Variants in ERICH6 observed in about 807,000 individuals in gnomAD.
ERICH6 encodes glutamate-rich protein 6.
Under a neutral mutation model 71.0 loss-of-function variants are expected in ERICH6, and 71 were observed. That is an observed-to-expected ratio of 1.00 (90% CI 0.83 to 1.22). The LOEUF (loss-of-function observed/expected upper bound fraction) is 1.22. Among genes scored for constraint, ERICH6 ranks in the 50% most tolerant of loss-of-function variants. The pLI, the probability that ERICH6 is intolerant of heterozygous loss-of-function variation, is 0.00. For missense variants in ERICH6, 808 were observed against 797.2 expected, an observed-to-expected ratio of 1.01 and a Z score of -0.16; for synonymous variants, 262 against 278.4, an observed-to-expected ratio of 0.94 and a Z score of 0.59.
intron 13 of ERICH6, among the ~76,000 whole-genome samples, chr3:150,664,556 A>C (rs923434289): frequency 6.6e-6 from 1 of 152,014 alleles, no homozygotes; most frequent in African/African-American, 2.4e-5. Flanking sequence ...CTGAGGCATG[A>C]GAATCGCTTG....
At chr3:150,683,047 G>A (rs918093952) in intron 6 of ERICH6, among the ~76,000 whole-genome samples, 1 of 152,188 alleles carries the variant, frequency 6.6e-6, no homozygotes, top group African/African-American at 2.4e-5. Context: ...CCTCCAGGAA[G>A]AGACCCAGAT....
chr3:150,679,498 A>G (rs1389787141), intron 9 of ERICH6, among the ~76,000 whole-genome samples: 3 of 152,250 alleles, frequency 2.0e-5, no homozygotes, highest in Middle Eastern at 6.8e-3. Context: ...TTATGCCCAG[A>G]AAGATTAAGT....
intron 11 of ERICH6, among the ~76,000 whole-genome samples, chr3:150,672,264 C>CATATATATATATATATATAT (rs57492414): frequency 0.018 from 2,206 of 123,500 alleles, 146 homozygotes; most frequent in African/African-American, 0.066. Context: ...TTTATATATA[C>CATATATATATATATATATAT]ATATATATAT....
At chr3:150,696,761 A>C (rs1303282101) in intron 3 of ERICH6, among the ~76,000 whole-genome samples, 7 of 152,186 alleles carry the variant, frequency 4.6e-5, no homozygotes, top group Non-Finnish European at 8.8e-5. Flanking sequence ...GACTGTCAAA[A>C]ATTTAAAAGA....
chr3:150,678,315 G>T, intron 10 of ERICH6, 94 bp downstream of exon 10: 1 of 1,201,158 alleles, frequency 8.3e-7, no homozygotes, highest in Non-Finnish European at 1.1e-6. Flanking sequence ...CTAGTTAAAT[G>T]CATCATGTAG....
chr3:150,690,405 G>GAA (rs34766940), intron 3 of ERICH6, among the ~76,000 whole-genome samples: 1 of 145,250 alleles, frequency 6.9e-6, no homozygotes, highest in African/African-American at 2.5e-5. Context: ...CTAAGATAGG[G>GAA]AAAAAAAAAA....
At chr3:150,664,587 C>T (rs1326158204) in intron 13 of ERICH6, among the ~76,000 whole-genome samples, 2 of 150,942 alleles carry the variant, frequency 1.3e-5, no homozygotes, top group Non-Finnish European at 2.9e-5. Flanking sequence ...GTGGAGGTTG[C>T]AGTGAGCCAA....
chr3:150,661,968 A>G (rs1392364394), intron 13 of ERICH6, among the ~76,000 whole-genome samples: 4 of 152,208 alleles, frequency 2.6e-5, no homozygotes, highest in African/African-American at 7.2e-5. Context: ...CCGAGAACAT[A>G]TAACTCAAAA....
intron 6 of ERICH6, 60 bp downstream of exon 6, chr3:150,685,682 A>T (rs1230873518): frequency 8.7e-6 from 12 of 1,382,152 alleles, no homozygotes; most frequent in Non-Finnish European, 1.2e-5. Flanking sequence ...TGTGCAAATC[A>T]TTATGTTTTC....
chr3:150,684,023 G>GAGACATCCCTAGA (rs1712079571), intron 6 of ERICH6, among the ~76,000 whole-genome samples: 1 of 152,172 alleles, frequency 6.6e-6, no homozygotes, highest in Non-Finnish European at 1.5e-5. Flanking sequence ...CGGGAGGCGA[G>GAGACATCCCTAGA]TATAACCTCA....
chr3:150,684,021 G>A (rs148813467), intron 6 of ERICH6, among the ~76,000 whole-genome samples: 8 of 152,288 alleles, frequency 5.3e-5, no homozygotes, highest in African/African-American at 9.6e-5. Flanking sequence ...TGCGGGAGGC[G>A]AGTATAACCT....
chr3:150,698,282 ATAGGTGTTTGGCAAATGT>A (rs1712726797), intron 3 of ERICH6, among the ~76,000 whole-genome samples: 2 of 152,114 alleles, frequency 1.3e-5, no homozygotes, highest in Admixed American at 1.3e-4. Context: ...TAGACCTATG[ATAGGTGTTTGGCAAATGT>A]TAGGTGCTTG....
intron 13 of ERICH6, among the ~76,000 whole-genome samples, chr3:150,663,719 G>T (rs1727304675): frequency 6.6e-6 from 1 of 152,060 alleles, no homozygotes; most frequent in South Asian, 2.1e-4. Flanking sequence ...CTCAAGTAAT[G>T]CTCCCGTCAC....
At position 150,702,179 on chromosome 3, in the gene ERICH6, C is replaced by T; in HGVS notation, c.404-1G>A. On this transcript the variant is annotated splice_acceptor_variant, in intron 1 of 13. Transcript: ENST00000295910. LOFTEE classifies it high-confidence loss of function. ...AATGTCTGAAATATTTTAGGGAAAC[C>T]TGTTGAATGAAACATTTAAAAATCA... 2 of 1,573,720 alleles carry T rather than the reference C, an allele frequency of 1.3e-6. No homozygotes were observed. The highest frequency in any genetic ancestry group is 1.7e-6 in the Non-Finnish European group (2 of 1,152,302).
At chr3:150,685,097 AGTGCT>A (rs1712126838) in intron 6 of ERICH6, among the ~76,000 whole-genome samples, 1 of 152,118 alleles carries the variant, frequency 6.6e-6, no homozygotes, top group African/African-American at 2.4e-5. Context: ...AGCCTCCCAA[AGTGCT>A]GGGATTACAG....
At chr3:150,679,035 C>CAAAAAAAAAAAAAAAAAA (rs1160094551) in intron 9 of ERICH6, among the ~76,000 whole-genome samples, 1 of 65,224 alleles carries the variant, frequency 1.5e-5, no homozygotes. Flanking sequence ...GACTCTGTCT[C>CAAAAAAAAAAAAAAAAAA]AAAAAAAAAA....
intron 3 of ERICH6, among the ~76,000 whole-genome samples, chr3:150,690,468 A>G (rs1712391345): frequency 6.6e-6 from 1 of 152,156 alleles, no homozygotes; most frequent in African/African-American, 2.4e-5. Flanking sequence ...TAATATATCT[A>G]TGTATTTGCA....
intron 3 of ERICH6, among the ~76,000 whole-genome samples, chr3:150,692,883 A>G (rs939056114): frequency 4.6e-5 from 7 of 152,122 alleles, no homozygotes; most frequent in African/African-American, 1.7e-4. Context: ...GTTTCTGATA[A>G]CTTCAGAGAC....
chr3:150,689,536 T>C (rs899681723), intron 3 of ERICH6, among the ~76,000 whole-genome samples: 1 of 152,162 alleles, frequency 6.6e-6, no homozygotes, highest in Non-Finnish European at 1.5e-5. Context: ...TAAAAGAAGC[T>C]CAATGGTTAA....
Sources: gnomAD v4.1 joint callset for allele counts (sites outside exome capture counted in the v4.1 genomes callset) on GRCh38, gnomAD v4.1.1 for gene constraint, MANE v1.5 for transcripts, NCBI Gene and HGNC (gene_info 2026-07-23, HGNC 2026-07-21) for gene names.